ANKAR: variants seen among roughly 807,000 people sequenced by gnomAD.
ANKAR encodes ankyrin and armadillo repeat-containing protein.
Under a neutral mutation model 146.2 loss-of-function variants are expected in ANKAR, and 136 were observed. That is an observed-to-expected ratio of 0.93 (90% CI 0.81 to 1.07). ANKAR has a LOEUF of 1.07. Ranked by LOEUF, ANKAR falls within the 50% of genes least tolerant of loss-of-function variation. The pLI, the probability that ANKAR is intolerant of heterozygous loss-of-function variation, is 0.00. For missense variants in ANKAR, 1,567 were observed against 1,679.9 expected, an observed-to-expected ratio of 0.93 and a Z score of 1.18; for synonymous variants, 500 against 575.8, an observed-to-expected ratio of 0.87 and a Z score of 1.88.
intron 18 of ANKAR, among the ~76,000 whole-genome samples, chr2:189,758,323 A>G (rs2046395889): frequency 6.6e-6 from 1 of 151,992 alleles, no homozygotes; most frequent in Non-Finnish European, 1.5e-5. Context: ...GGAGGTTGTG[A>G]TGAGCCAAGA....
At chr2:189,695,778 G>T (rs1316163911) in intron 6 of ANKAR, among the ~76,000 whole-genome samples, 1 of 152,124 alleles carries the variant, frequency 6.6e-6, no homozygotes, top group Non-Finnish European at 1.5e-5. Context: ...TCTAAAGAGG[G>T]TGACATTTTT....
At chr2:189,677,961 G>T (rs4667299) in intron 2 of ANKAR, among the ~76,000 whole-genome samples, 95,742 of 152,086 alleles carry the variant, frequency 0.63, 32,219 homozygotes, top group South Asian at 0.76. Context: ...CCTGGTAGTG[G>T]GATTGCTGGA....
intron 12 of ANKAR, among the ~76,000 whole-genome samples, chr2:189,721,727 A>C (rs1292171463): frequency 6.6e-6 from 1 of 152,164 alleles, no homozygotes; most frequent in Non-Finnish European, 1.5e-5. Context: ...GGTTTTCCCC[A>C]AATTTGGGGG....
chr2:189,679,086 A>G (rs561333113), intron 2 of ANKAR, among the ~76,000 whole-genome samples: 1 of 152,280 alleles, frequency 6.6e-6, no homozygotes, highest in South Asian at 2.1e-4. Flanking sequence ...TGTTTGTGTC[A>G]TCAATGATTT....
At chr2:189,758,030 C>T (rs2046343030) in intron 18 of ANKAR, among the ~76,000 whole-genome samples, 3 of 152,178 alleles carry the variant, frequency 2.0e-5, no homozygotes, top group East Asian at 1.9e-4. Context: ...ATCATGGGGG[C>T]GTATTTTCCC....
In ANKAR at chr2:189,734,672, C is replaced by G. The variant is rs558082404; in HGVS notation, c.3423+1443C>G. Among the ~76,000 whole-genome samples the G allele has an allele frequency of 8.5e-5, 13 of 152,206 alleles. No individual in the cohort carries two copies. The East Asian group carries it at 2.5e-3, about 29-fold the overall frequency. The stretch of plus-strand genomic sequence containing the variant: ...TTTTTTAATACAAAATTTTATTCTA[C>G]TGTGGTACACAAAAGAGAAGTGCTG... On this transcript the variant is annotated intron_variant, in intron 17 of 22. Transcript: ENST00000684021.
chr2:189,755,160 A>C, intron 18 of ANKAR: 1 of 1,591,590 alleles, frequency 6.3e-7, no homozygotes, highest in Non-Finnish European at 8.5e-7. Context: ...TGGAGAAATT[A>C]ATTCTTAATT....
chr2:189,752,623 T>C lies in ANKAR; in HGVS notation c.*584+7835T>C, dbSNP rs372468077. The stretch of plus-strand genomic sequence containing the variant: ...AGGCTTTGTCTTAAGTAATGTAACT[T>C]GCATAAAGATCATGAATGATACCAC... On this transcript the variant is annotated intron_variant and NMD_transcript_variant, in intron 18 of 18. Coordinates refer to the ANKAR transcript ENST00000441800. 4.3e-6 allele frequency: 7 copies of C among 1,609,470 alleles called. No homozygotes were observed. In the African/African-American group the frequency reaches 6.7e-5, roughly 15 times the overall value.
Position 189,707,336 on chromosome 2 carries a change from C to T in ANKAR, c.2119+190C>T, listed in dbSNP as rs573995041. ...AGAGCTGCATTTTTGTGTGTGCAAACGTAGTTTTATTTCCATGTTAAAATC... is the reference window on the plus strand; with the variant it reads ...AGAGCTGCATTTTTGTGTGTGCAAATGTAGTTTTATTTCCATGTTAAAATC... On this transcript the variant is annotated intron_variant, in intron 9 of 22. Transcript: ENST00000684021. Among the ~76,000 whole-genome samples, 72 of 149,766 alleles carry T rather than the reference C, an allele frequency of 4.8e-4. 1 individual carries two copies. The Middle Eastern group carries it at 0.01, about 22-fold the overall frequency.
At position 189,688,893 on chromosome 2, in the gene ANKAR, T is replaced by C. The variant is rs183905438; in HGVS notation, c.602-634T>C. Among the ~76,000 whole-genome samples, 8 of 152,256 alleles carry C rather than the reference T, an allele frequency of 5.3e-5. 1 individual carries two copies. In the East Asian group the frequency reaches 1.5e-3, roughly 29 times the overall value. ...AGAACCACATCGTGGTCAGTAGTCT[T>C]ATGAGGAGAAAGTTACTGAAATCAG... On this transcript the variant is annotated intron_variant, in intron 2 of 22. Transcript: ENST00000684021.
rs2033775757 is a variant in ANKAR, at chr2:189,676,876, GTTC to G, written c.392_394del (p.Ser131del). 1.2e-6 allele frequency: 2 copies of G among 1,614,108 alleles called. No homozygotes were observed. On this transcript the variant is annotated inframe_deletion, in exon 2 of 23. Transcript: ENST00000684021. ...AGTTTAGAAGCTAATTATGATCAGA[GTTC>G]TTCTTGTCAATTACCTCCAGCTTAT...
At chr2:189,718,884 G>A (rs998869717) in intron 10 of ANKAR, among the ~76,000 whole-genome samples, 25 of 151,048 alleles carry the variant, frequency 1.7e-4, no homozygotes, top group African/African-American at 5.1e-4. Flanking sequence ...CGAGTAGCTG[G>A]GACTACAGGC....
intron 5 of ANKAR, among the ~76,000 whole-genome samples, chr2:189,694,677 A>C (rs1271077753): frequency 2.6e-5 from 4 of 152,364 alleles, no homozygotes; most frequent in Admixed American, 2.6e-4. Flanking sequence ...GTAGGTAAGC[A>C]GACAGTTAGA....
chr2:189,675,909 TTC>T (rs2033556537), intron 1 of ANKAR: 1 of 152,744 alleles, frequency 6.5e-6, no homozygotes, highest in Non-Finnish European at 1.5e-5. Context: ...CACCTCCCCT[TTC>T]TCTCTATTGT....
chr2:189,761,508 T>A (rs757930168), downstream of ANKAR: 2 of 1,613,336 alleles, frequency 1.2e-6, no homozygotes, highest in Non-Finnish European at 1.7e-6. Context: ...TCATCACAAC[T>A]AGTTTCAATT....
Position 189,737,833 on chromosome 2 carries a change from G to A in ANKAR, c.3574G>A (p.Ala1192Thr). The A allele has an allele frequency of 6.5e-7, 1 of 1,549,970 alleles. No homozygotes were observed. Reference sequence around the variant, plus strand: ...AGTTGAAACTGAGAAGGCAATGGCAGCATTTCAGGTATAAAATTGAGATTA... The same window carrying A: ...AGTTGAAACTGAGAAGGCAATGGCAACATTTCAGGTATAAAATTGAGATTA... ...STVETEKAMA[A>T]FQIVVLAKVI... The change falls in exon 18 of 23, where the codon GCA (alanine) becomes ACA (threonine). Residue 1192 changes from alanine to threonine, a missense_variant. Physicochemically the swap from Ala to Thr is moderately conservative, Grantham distance 58. Transcript: ENST00000684021.
At chr2:189,762,844 C>T (rs766391228), downstream of ANKAR, 97 of 985,310 alleles carry the variant, frequency 9.8e-5, no homozygotes, top group Non-Finnish European at 1.2e-4. Flanking sequence ...GTTCCGCTAG[C>T]GAGCGGCATG....
intron 2 of ANKAR, 113 bp downstream of exon 2, chr2:189,677,204 G>A: frequency 9.4e-7 from 1 of 1,066,562 alleles, no homozygotes; most frequent in Non-Finnish European, 1.3e-6. Context: ...ACCCACCTAG[G>A]CCTCCCAAAG....
At chr2:189,758,425 G>A (rs1468033899) in intron 18 of ANKAR, among the ~76,000 whole-genome samples, 8 of 151,636 alleles carry the variant, frequency 5.3e-5, no homozygotes, top group African/African-American at 1.5e-4. Flanking sequence ...CCCCTCTCTC[G>A]GTCCTGCTCC....
Sources: gnomAD v4.1 joint callset for allele counts (sites outside exome capture counted in the v4.1 genomes callset) on GRCh38, gnomAD v4.1.1 for gene constraint, MANE v1.5 for transcripts, NCBI Gene and HGNC (gene_info 2026-07-23, HGNC 2026-07-21) for gene names.